Variants in HS3ST1 observed in about 807,000 individuals in gnomAD.
HS3ST1 encodes heparan sulfate-glucosamine 3-sulfotransferase 1.
Under a neutral mutation model 20.7 loss-of-function variants are expected in HS3ST1, and 8 were observed. The observed-to-expected ratio is 0.39, with a 90% confidence interval of 0.23 to 0.70. The LOEUF (loss-of-function observed/expected upper bound fraction) is 0.70, where lower values mean the gene tolerates loss of function less well. Ranked by LOEUF, HS3ST1 falls within the 30% of genes least tolerant of loss-of-function variation. The probability of loss-of-function intolerance (pLI) is 0.46; values close to 1 mark genes in which losing one functional copy is unlikely to be tolerated. For synonymous variants in HS3ST1, 205 were observed against 190.4 expected, an observed-to-expected ratio of 1.08 and a Z score of -0.63; for missense variants, 436 against 423.4, an observed-to-expected ratio of 1.03 and a Z score of -0.26.
rs1334146262 is a variant in HS3ST1, at chr4:11,394,610, T to C, written c.*4472A>G. On this transcript the variant is annotated 3_prime_UTR_variant, in exon 2 of 2. Transcript: ENST00000002596. ...AAGGTAATCTTGATATCACCCTAAC[T>C]GTCCAACTCCAAATCCTAGATGCCC... The C allele has an allele frequency of 2.0e-5, 3 of 152,224 alleles. No individual in the cohort carries two copies. Among genetic ancestry groups the C allele is most frequent in the Non-Finnish European group, 4.4e-5 (3 of 68,058 alleles). 9.4% of individuals were successfully genotyped at this position (152,224 alleles called of 1,614,324 possible).
chr4:11,423,233 G>A (rs1227364250), intron 1 of HS3ST1, among the ~76,000 whole-genome samples: 1 of 152,088 alleles, frequency 6.6e-6, no homozygotes, highest in Non-Finnish European at 1.5e-5. Context: ...AACACGTAAT[G>A]CAATGCCGGG....
intron 1 of HS3ST1, among the ~76,000 whole-genome samples, chr4:11,416,988 C>T (rs1039447269): frequency 6.6e-6 from 1 of 152,142 alleles, no homozygotes; most frequent in Non-Finnish European, 1.5e-5. Context: ...GGTGTGAATG[C>T]TCACATTCCT....
chr4:11,422,599 CA>C (rs1470364856), intron 1 of HS3ST1, among the ~76,000 whole-genome samples: 16 of 152,090 alleles, frequency 1.1e-4, no homozygotes, highest in Admixed American at 7.9e-4. Context: ...TCATCAATGA[CA>C]AGAACTATTT....
At chr4:11,425,811 G>A (rs10008347) in intron 1 of HS3ST1, among the ~76,000 whole-genome samples, 36,715 of 151,978 alleles carry the variant, frequency 0.24, 5,330 homozygotes, top group African/African-American at 0.41. Flanking sequence ...GTCAGGGAGG[G>A]AGAAATTGTT....
At position 11,397,142 on chromosome 4, in the gene HS3ST1, A is replaced by G. The variant is rs969934272; in HGVS notation, c.*1940T>C. The G allele has an allele frequency of 6.6e-6, 1 of 152,256 alleles. No homozygotes were observed. The highest frequency in any genetic ancestry group is 2.4e-5 in the African/African-American group (1 of 41,448). The allele number at this position is 152,256 out of a possible 1,614,324, so 9.4% of individuals were successfully genotyped here. ...AGGAGTATGGTAAAAGCAAGATCCA[A>G]CGATGTGCTGCAGAGGGAGGCTCTC... On this transcript the variant is annotated 3_prime_UTR_variant, in exon 2 of 2. Transcript: ENST00000002596.
At position 11,394,311 on chromosome 4, in the gene HS3ST1, T is replaced by C. The variant is rs1236111574; in HGVS notation, c.*4771A>G. On this transcript the variant is annotated 3_prime_UTR_variant, in exon 2 of 2. Transcript: ENST00000002596. The stretch of plus-strand genomic sequence containing the variant: ...CTCTCTCTCTTTGCTGTTATCTAAC[T>C]GAGAAATTTGGGCAAAATAGAGTAA... 6.6e-6 allele frequency: 1 copy of C among 152,204 alleles called. No homozygotes were observed. The highest frequency in any genetic ancestry group is 2.4e-5 in the African/African-American group (1 of 41,448). The allele number at this position is 152,204 out of a possible 1,614,324, so 9.4% of individuals were successfully genotyped here. A position where few individuals can be genotyped will look rare whatever the true frequency, so the allele number is the denominator to read the frequency against.
intron 1 of HS3ST1, among the ~76,000 whole-genome samples, chr4:11,417,017 G>A (rs224490): frequency 2.0e-5 from 3 of 152,082 alleles, no homozygotes; most frequent in African/African-American, 7.2e-5. Flanking sequence ...TGGGAACAAA[G>A]GGTGGTCCTG....
rs1276449588 is a variant in HS3ST1, at chr4:11,398,137, T to C, written c.*945A>G. 1 of 152,232 alleles carries C rather than the reference T, an allele frequency of 6.6e-6. No individual in the cohort carries two copies. Among genetic ancestry groups the C allele is most frequent in the Non-Finnish European group, 1.5e-5 (1 of 68,030 alleles). The allele number at this position is 152,232 out of a possible 1,614,324, so 9.4% of individuals were successfully genotyped here. ...GAGTTGATTTTGAAACATACACATA[T>C]TTATGTCTCAGTGCATATGGAATAT... On this transcript the variant is annotated 3_prime_UTR_variant, in exon 2 of 2. Coordinates refer to ENST00000002596, the MANE Select transcript of HS3ST1 (RefSeq NM_005114.4).
chr4:11,402,470 T>C (rs572602986), intron 1 of HS3ST1, among the ~76,000 whole-genome samples: 1 of 152,342 alleles, frequency 6.6e-6, no homozygotes, highest in South Asian at 2.1e-4. Context: ...AAGTCACCTA[T>C]GTGGTTCGAC....
intron 1 of HS3ST1, among the ~76,000 whole-genome samples, chr4:11,412,357 G>A (rs1718659392): frequency 6.6e-6 from 1 of 152,134 alleles, no homozygotes; most frequent in Non-Finnish European, 1.5e-5. Context: ...AAACATGAAT[G>A]CTTTAGAGGA....
rs561071035 is a variant in HS3ST1 at position 11,408,268 on chromosome 4, G to A, written c.-108-8155C>T. Among the ~76,000 whole-genome samples the A allele has an allele frequency of 2.6e-5, 4 of 152,244 alleles. No homozygotes were observed. The South Asian group carries it at 8.3e-4, about 32-fold the overall frequency. Reference sequence around the variant, plus strand: ...GTGAGGATTAAATAAAAAAGTACATGTGGCATGCTTAGGGCATTGCCATAC... The same window carrying A: ...GTGAGGATTAAATAAAAAAGTACATATGGCATGCTTAGGGCATTGCCATAC... On this transcript the variant is annotated intron_variant, in intron 1 of 1. Transcript: ENST00000002596.
chr4:11,403,603 G>C (rs570413937), intron 1 of HS3ST1, among the ~76,000 whole-genome samples: 1 of 152,278 alleles, frequency 6.6e-6, no homozygotes, highest in South Asian at 2.1e-4. Context: ...TGGTTGTAAT[G>C]TAAAATAATG....
At chr4:11,403,017 C>CA (rs1231443685) in intron 1 of HS3ST1, among the ~76,000 whole-genome samples, 2 of 152,082 alleles carry the variant, frequency 1.3e-5, no homozygotes, top group Non-Finnish European at 2.9e-5. Flanking sequence ...CTTTTTCATT[C>CA]AAAAATATTT....
At position 11,398,410 on chromosome 4, in the gene HS3ST1, A is replaced by T. The variant is rs926738624; in HGVS notation, c.*672T>A. 2 of 152,242 alleles carry T rather than the reference A, an allele frequency of 1.3e-5. No individual in the cohort carries two copies. The highest frequency in any genetic ancestry group is 4.8e-5 in the African/African-American group (2 of 41,454). 9.4% of individuals were successfully genotyped at this position (152,242 alleles called of 1,614,324 possible). On this transcript the variant is annotated 3_prime_UTR_variant, in exon 2 of 2. Coordinates refer to ENST00000002596, the MANE Select transcript of HS3ST1 (RefSeq NM_005114.4). ...TCTTTATTATAACTGCTGAGATCAG[A>T]AGCATGTGCAAATATTCTTTGAGGT...
chr4:11,403,156 T>C (rs1281083000), intron 1 of HS3ST1, among the ~76,000 whole-genome samples: 1 of 152,252 alleles, frequency 6.6e-6, no homozygotes, highest in African/African-American at 2.4e-5. Flanking sequence ...GTATCTTTTA[T>C]GTGTATATGT....
At chr4:11,426,452 C>CG (rs1463506073) in intron 1 of HS3ST1, among the ~76,000 whole-genome samples, 2 of 149,050 alleles carry the variant, frequency 1.3e-5, no homozygotes, top group Non-Finnish European at 3.0e-5. Flanking sequence ...TAGGGGGACC[C>CG]AGGGGGGGGG....
At chr4:11,402,119 C>G (rs976281752) in intron 1 of HS3ST1, among the ~76,000 whole-genome samples, 2 of 152,126 alleles carry the variant, frequency 1.3e-5, no homozygotes, top group African/African-American at 4.8e-5. Flanking sequence ...TAAAACTTGT[C>G]CAGAATGAAT....
At position 11,400,115 on chromosome 4, in the gene HS3ST1, T is replaced by C. The variant is rs950066369; in HGVS notation, c.-108-2A>G. On this transcript the variant is annotated splice_acceptor_variant, in intron 1 of 1. Coordinates refer to ENST00000002596, the MANE Select transcript of HS3ST1 (RefSeq NM_005114.4). LOFTEE classifies it low-confidence loss of function (5UTR_SPLICE). ...ATGGGCGTTTCAGGCCTTCAATTACTAGGGAACAAAAAGGGAAGATATTAA... is the reference window on the plus strand; with the variant it reads ...ATGGGCGTTTCAGGCCTTCAATTACCAGGGAACAAAAAGGGAAGATATTAA... The C allele has an allele frequency of 7.0e-7, 1 of 1,426,626 alleles. No homozygotes were observed. Among genetic ancestry groups the C allele is most frequent in the Non-Finnish European group, 9.1e-7 (1 of 1,094,640 alleles). The allele number at this position is 1,426,626 out of a possible 1,614,324, so 88.4% of individuals were successfully genotyped here. A position where few individuals can be genotyped will look rare whatever the true frequency, so the allele number is the denominator to read the frequency against.
At chr4:11,417,908 A>G (rs1718827261) in intron 1 of HS3ST1, among the ~76,000 whole-genome samples, 1 of 152,204 alleles carries the variant, frequency 6.6e-6, no homozygotes, top group African/African-American at 2.4e-5. Context: ...GGCAAGAGGG[A>G]TCAATTCAGA....
Sources: allele counts gnomAD v4.1 joint callset (sites outside exome capture counted in the v4.1 genomes callset), GRCh38; gene constraint gnomAD v4.1.1; transcripts MANE v1.5; gene names NCBI Gene and HGNC (gene_info 2026-07-23, HGNC 2026-07-21).